Variants in KDM4C observed in about 807,000 individuals in gnomAD.
KDM4C encodes lysine demethylase 4C.
A neutral mutation model predicts 129.3 loss-of-function variants in KDM4C; 81 were observed. The ratio of observed to expected loss-of-function variants is 0.63; its 90% CI spans 0.52 to 0.75. KDM4C has a LOEUF of 0.75. Ranked by LOEUF, KDM4C falls within the 30% of genes least tolerant of loss-of-function variation. The probability of loss-of-function intolerance (pLI) is 0.00; values close to 1 mark genes in which losing one functional copy is unlikely to be tolerated. For missense variants in KDM4C, 1,457 were observed against 1,304.0 expected (o/e 1.12, Z -1.81); for synonymous variants, 573 against 456.1 (o/e 1.26, Z -3.26).
intron 8 of KDM4C, among the ~76,000 whole-genome samples, chr9:6,913,727 T>C (rs573701078): frequency 5.9e-5 from 9 of 152,324 alleles, no homozygotes; most frequent in Admixed American, 5.2e-4. Context: ...TACTCTATTA[T>C]GATAATCCAT....
intron 8 of KDM4C, among the ~76,000 whole-genome samples, chr9:6,939,505 C>T (rs1825448513): frequency 6.6e-6 from 1 of 152,146 alleles, no homozygotes; most frequent in South Asian, 2.1e-4. Flanking sequence ...CCCCAAACCA[C>T]CCCACACCAG....
In KDM4C at chr9:6,893,168, A is replaced by G. The variant is rs906903482; in HGVS notation, c.857A>G (p.Asn286Ser). ...CATGCTGGTTTTAATCATGGTTTCA[A>G]CTGTGCAGAATCTACAAATTTTGCT... is the stretch of plus-strand genomic sequence containing the variant. ...GYHAGFNHGF[N>S]CAESTNFATV... Residue 286 changes from asparagine to serine, a missense_variant, in exon 8 of 22, where the codon AAC (asparagine) becomes AGC (serine). Asn to Ser is a conservative substitution (Grantham distance 46). Transcript: ENST00000381309. 6.2e-7 allele frequency: 1 copy of G among 1,611,570 alleles called. No individual in the cohort carries two copies. The highest frequency in any genetic ancestry group is 8.5e-7 in the Non-Finnish European group (1 of 1,178,806).
chr9:6,840,627 C>G (rs985783554), intron 4 of KDM4C, among the ~76,000 whole-genome samples: 1 of 152,122 alleles, frequency 6.6e-6, no homozygotes, highest in Non-Finnish European at 1.5e-5. Context: ...AAACTTCTGA[C>G]CTTGTGATCC....
chr9:7,105,083 C>T (rs559622836), intron 18 of KDM4C, among the ~76,000 whole-genome samples: 2 of 152,248 alleles, frequency 1.3e-5, no homozygotes, highest in East Asian at 1.9e-4. Flanking sequence ...AGTTGATGTC[C>T]TTTTGCTAAG....
intron 8 of KDM4C, among the ~76,000 whole-genome samples, chr9:6,953,800 C>A (rs1452955367): frequency 6.6e-6 from 1 of 152,160 alleles, no homozygotes; most frequent in East Asian, 1.9e-4. Flanking sequence ...TCCCTATTTT[C>A]TTCTCCCAAA....
At chr9:6,907,597 T>C (rs896827806) in intron 8 of KDM4C, among the ~76,000 whole-genome samples, 1 of 152,210 alleles carries the variant, frequency 6.6e-6, no homozygotes, top group Non-Finnish European at 1.5e-5. Context: ...GTGTCTTTAC[T>C]CATAGGACTT....
intron 12 of KDM4C, among the ~76,000 whole-genome samples, chr9:7,002,289 C>G (rs1016817820): frequency 1.3e-5 from 2 of 152,098 alleles, no homozygotes; most frequent in African/African-American, 4.8e-5. Context: ...TGGTGAATTT[C>G]ATATGCTTAG....
At chr9:6,951,855 C>T (rs867919067) in intron 8 of KDM4C, among the ~76,000 whole-genome samples, 72 of 152,064 alleles carry the variant, frequency 4.7e-4, no homozygotes, top group African/African-American at 1.6e-3. Flanking sequence ...AAAACAATAG[C>T]AATATTATTT....
chr9:6,837,541 T>C (rs1836107838), intron 4 of KDM4C, among the ~76,000 whole-genome samples: 1 of 152,268 alleles, frequency 6.6e-6, no homozygotes, highest in African/African-American at 2.4e-5. Context: ...TACTACTTGA[T>C]GTCATTCTTG....
chr9:7,108,291 C>T (rs574866854), intron 18 of KDM4C, among the ~76,000 whole-genome samples: 1 of 152,044 alleles, frequency 6.6e-6, no homozygotes, highest in South Asian at 2.1e-4. Context: ...GGCTGGAGCG[C>T]AGTGGCATGA....
intron 17 of KDM4C, among the ~76,000 whole-genome samples, chr9:7,102,465 A>G (rs997399756): frequency 1.3e-5 from 2 of 152,038 alleles, no homozygotes; most frequent in Admixed American, 6.5e-5. Flanking sequence ...ATAGAATGAA[A>G]TAAAGGATGG....
intron 19 of KDM4C, among the ~76,000 whole-genome samples, chr9:7,135,807 G>C (rs1841144444): frequency 6.6e-6 from 1 of 152,206 alleles, no homozygotes; most frequent in Non-Finnish European, 1.5e-5. Flanking sequence ...TCTACACTTT[G>C]AGGTGCTCTG....
chr9:6,752,112 T>G (rs1818090026), intron 1 of KDM4C, among the ~76,000 whole-genome samples: 1 of 150,268 alleles, frequency 6.7e-6, no homozygotes, highest in Non-Finnish European at 1.5e-5. Flanking sequence ...GACGGGCGGA[T>G]CACGAGGTCA....
At chr9:6,767,363 G>A (rs1465238689) in intron 1 of KDM4C, among the ~76,000 whole-genome samples, 2 of 151,694 alleles carry the variant, frequency 1.3e-5, no homozygotes, top group African/African-American at 4.8e-5. Flanking sequence ...GGATGGTCTC[G>A]AACTCCTGAC....
At chr9:6,845,901 C>T (rs1323974163) in intron 4 of KDM4C, among the ~76,000 whole-genome samples, 1 of 152,222 alleles carries the variant, frequency 6.6e-6, no homozygotes, top group Admixed American at 6.5e-5. Context: ...AGCCTTTCTG[C>T]TGAAACCTGA....
chr9:6,899,678 A>G (rs540236088), intron 8 of KDM4C, among the ~76,000 whole-genome samples: 8 of 152,294 alleles, frequency 5.3e-5, no homozygotes, highest in African/African-American at 1.9e-4. Context: ...TCCTCTTTTT[A>G]TACTGAAAAA....
chr9:6,977,841 C>T (rs1833190319), intron 8 of KDM4C, among the ~76,000 whole-genome samples: 1 of 152,122 alleles, frequency 6.6e-6, no homozygotes, highest in South Asian at 2.1e-4. Flanking sequence ...ATTGCTCCTC[C>T]TGTTTGATTC....
chr9:7,101,238 A>C (rs943835293), intron 17 of KDM4C, among the ~76,000 whole-genome samples: 1 of 152,128 alleles, frequency 6.6e-6, no homozygotes, highest in Non-Finnish European at 1.5e-5. Flanking sequence ...ATTTCGTTGT[A>C]ACATTCTTAA....
chr9:6,769,027 C>T (rs911925278), intron 1 of KDM4C, among the ~76,000 whole-genome samples: 1 of 152,140 alleles, frequency 6.6e-6, no homozygotes. Flanking sequence ...CCCACCTCAG[C>T]CTCCCAAAGT....
Sources: gnomAD v4.1 joint callset for allele counts (sites outside exome capture counted in the v4.1 genomes callset) on GRCh38, gnomAD v4.1.1 for gene constraint, MANE v1.5 for transcripts, NCBI Gene and HGNC (gene_info 2026-07-23, HGNC 2026-07-21) for gene names.